MFSD6: variants seen among roughly 807,000 people sequenced by gnomAD.
MFSD6 encodes major facilitator superfamily domain-containing protein 6.
Under a neutral mutation model 56.3 loss-of-function variants are expected in MFSD6, and 26 were observed. That is an observed-to-expected ratio of 0.46 (90% CI 0.34 to 0.64). MFSD6 has a LOEUF of 0.64. MFSD6 is among the 30% of genes least tolerant of loss of function. MFSD6 has a pLI of 0.01. For missense variants in MFSD6, 750 were observed against 986.2 expected (o/e 0.76, Z 3.21); for synonymous variants, 331 against 366.9 (o/e 0.90, Z 1.12).
At position 190,496,818 on chromosome 2, in the gene MFSD6, C is replaced by A. The variant is rs1689719913; in HGVS notation, c.1892-621C>A. On this transcript the variant is annotated intron_variant, in intron 6 of 7. Coordinates refer to ENST00000392328, the MANE Select transcript of MFSD6 (RefSeq NM_017694.4). This position sits in a 1 kb window ranked among gnomAD's most constrained non-coding sequence, Gnocchi z 4.7. ...AGTGAAGCAACTCAAGAATGGAAAA[C>A]CAAACATCGTATATTCTCACTCATA... Among the ~76,000 whole-genome samples, 1 of 152,124 alleles carries A rather than the reference C, an allele frequency of 6.6e-6. No homozygotes were observed. The highest frequency in any genetic ancestry group is 6.5e-5 in the Admixed American group (1 of 15,276).
Position 190,498,188 on chromosome 2 carries a change from A to G in MFSD6, c.2172+469A>G, listed in dbSNP as rs1250750039. 6.6e-6 allele frequency among the ~76,000 whole-genome samples: 1 copy of G among 152,192 alleles called. No individual in the cohort carries two copies. The highest frequency in any genetic ancestry group is 1.9e-4 in the East Asian group (1 of 5,204). ...ATGCAGGTGGCCTCACCTGAAAAAT[A>G]AGTCTAAAAGTGTGATTTTTCTTGT... is the stretch of plus-strand genomic sequence containing the variant. On this transcript the variant is annotated intron_variant, in intron 7 of 7. Transcript: ENST00000392328. The surrounding 1 kb of genome is among the most constrained non-coding windows in gnomAD (Gnocchi z 5.9).
rs1184765113 is a variant in MFSD6, at chr2:190,436,059, G to A, written c.30G>A (p.Thr10=). The change falls in exon 3 of 8, where the codon ACG becomes ACA. Residue 10 remains threonine (T), a synonymous_variant. Coordinates refer to ENST00000392328, the MANE Select transcript of MFSD6 (RefSeq NM_017694.4). The surrounding 1 kb of genome is among the most constrained non-coding windows in gnomAD (Gnocchi z 5.3). ...CAGATGATAAAGTTGCTATCTTAAC[G>A]GATGATGAAGAGGAACAGAAGAGAA... MADDKVAIL[T]DDEEEQKRKY... The A allele has an allele frequency of 8.7e-6, 14 of 1,613,456 alleles. No individual in the cohort carries two copies. The highest frequency in any genetic ancestry group is 4.5e-5 in the East Asian group (2 of 44,878).
chr2:190,427,388 T>A (rs1685814554), intron 2 of MFSD6, among the ~76,000 whole-genome samples: 1 of 152,220 alleles, frequency 6.6e-6, no homozygotes, highest in Non-Finnish European at 1.5e-5. Context: ...TATGATCATT[T>A]TTTCTGTGGT....
rs916587858 is a variant in MFSD6 at position 190,461,897 on chromosome 2, A to G, written c.1533-7861A>G. Among the ~76,000 whole-genome samples, 2 of 152,140 alleles carry G rather than the reference A, an allele frequency of 1.3e-5. No individual in the cohort carries two copies. Among genetic ancestry groups the G allele is most frequent in the African/African-American group, 4.8e-5 (2 of 41,426 alleles). On this transcript the variant is annotated intron_variant, in intron 3 of 7. Coordinates refer to ENST00000392328, the MANE Select transcript of MFSD6 (RefSeq NM_017694.4). This position sits in a 1 kb window ranked among gnomAD's most constrained non-coding sequence, Gnocchi z 5.5. Reference sequence around the variant, plus strand: ...CTTAATATACTTTCAGAACAATCTGAGAGCAGAAGTCTTTTAATTTAAAAA... The same window carrying G: ...CTTAATATACTTTCAGAACAATCTGGGAGCAGAAGTCTTTTAATTTAAAAA...
At chr2:190,420,057 CAA>C (rs35739308) in intron 2 of MFSD6, among the ~76,000 whole-genome samples, 68,961 of 151,622 alleles carry the variant, frequency 0.45, 16,019 homozygotes, top group East Asian at 0.6. Flanking sequence ...TCTATATTTT[CAA>C]GTTTCTTTTT....
intron 3 of MFSD6, among the ~76,000 whole-genome samples, chr2:190,441,375 A>G (rs994193595): frequency 3.2e-4 from 49 of 151,560 alleles, no homozygotes; most frequent in African/African-American, 1.1e-3. Context: ...GAGGCATTCA[A>G]CGTTTTTACA....
At chr2:190,482,917 C>T (rs1239191303) in intron 4 of MFSD6, among the ~76,000 whole-genome samples, 6 of 88,600 alleles carry the variant, frequency 6.8e-5, no homozygotes, top group Non-Finnish European at 1.1e-4. Flanking sequence ...CGGAGTCTCA[C>T]TCTGTCGCCC....
intron 1 of MFSD6, chr2:190,411,483 G>A (rs1175015853): frequency 2.0e-6 from 2 of 985,268 alleles, no homozygotes; most frequent in African/African-American, 1.7e-5. Context: ...CAGGAAGTGA[G>A]ACAAGATGGA....
chr2:190,444,471 A>G (rs1375002807), intron 3 of MFSD6, among the ~76,000 whole-genome samples: 1 of 152,248 alleles, frequency 6.6e-6, no homozygotes, highest in African/African-American at 2.4e-5. Context: ...TGTAGCAGTG[A>G]AACAGGAGTT....
chr2:190,474,817 A>G (rs995430254), intron 4 of MFSD6, among the ~76,000 whole-genome samples: 2 of 152,228 alleles, frequency 1.3e-5, no homozygotes, highest in East Asian at 1.9e-4. Context: ...AAAATCCTCA[A>G]TAAAATACTG....
intron 3 of MFSD6, among the ~76,000 whole-genome samples, chr2:190,468,318 C>G (rs1296960677): frequency 6.6e-6 from 1 of 152,130 alleles, no homozygotes; most frequent in Non-Finnish European, 1.5e-5. Flanking sequence ...TCATCCACAC[C>G]CTTCAACTTT....
rs1685775509 is a variant in MFSD6 at position 190,426,020 on chromosome 2, G to C, written c.-53-9957G>C. Among the ~76,000 whole-genome samples, 1 of 152,108 alleles carries C rather than the reference G, an allele frequency of 6.6e-6. No individual in the cohort carries two copies. The highest frequency in any genetic ancestry group is 2.4e-5 in the African/African-American group (1 of 41,434). ...TAGTTTTTAGAAGTTTGACTGATGA[G>C]TTTTGGTGTGGGCATTTTGTTTTAG... On this transcript the variant is annotated intron_variant, in intron 2 of 7. Transcript: ENST00000392328. This position sits in a 1 kb window ranked among gnomAD's most constrained non-coding sequence, Gnocchi z 4.7.
At position 190,491,429 on chromosome 2, in the gene MFSD6, C is replaced by T. The variant is rs1689346778; in HGVS notation, c.1891+1563C>T. On this transcript the variant is annotated intron_variant, in intron 6 of 7. Transcript: ENST00000392328. The surrounding 1 kb of genome is among the most constrained non-coding windows in gnomAD (Gnocchi z 4.2). Reference sequence around the variant, plus strand: ...GCTCCTGGAGGACCTGAGAGACAGGCCAAATATTGGGCTGGTATCCAGCTG... The same window carrying T: ...GCTCCTGGAGGACCTGAGAGACAGGTCAAATATTGGGCTGGTATCCAGCTG... 6.6e-6 allele frequency among the ~76,000 whole-genome samples: 1 copy of T among 152,146 alleles called. No individual in the cohort carries two copies. The highest frequency in any genetic ancestry group is 6.5e-5 in the Admixed American group (1 of 15,274).
chr2:190,468,995 C>A (rs977335855), intron 3 of MFSD6, among the ~76,000 whole-genome samples: 1 of 152,086 alleles, frequency 6.6e-6, no homozygotes, highest in East Asian at 1.9e-4. Flanking sequence ...CAGTTCAGAA[C>A]GAGAGACTGA....
rs751509318 is a variant in MFSD6 at position 190,459,364 on chromosome 2, T to G, written c.1533-10394T>G. ...TCAAGTAAAACTCTTGAGGCCTTTT[T>G]AAAATTAACGGCTATGCCAAATGTC... On this transcript the variant is annotated intron_variant, in intron 3 of 7. Coordinates refer to ENST00000392328, the MANE Select transcript of MFSD6 (RefSeq NM_017694.4). The surrounding 1 kb of genome is among the most constrained non-coding windows in gnomAD (Gnocchi z 5.3). 6.6e-6 allele frequency among the ~76,000 whole-genome samples: 1 copy of G among 152,218 alleles called. No homozygotes were observed. The highest frequency in any genetic ancestry group is 1.5e-5 in the Non-Finnish European group (1 of 68,038).
In MFSD6 at chr2:190,469,313, A is replaced by T. The variant is rs147951900; in HGVS notation, c.1533-445A>T. 6.6e-6 allele frequency among the ~76,000 whole-genome samples: 1 copy of T among 152,268 alleles called. No individual in the cohort carries two copies. Among genetic ancestry groups the T allele is most frequent in the African/African-American group, 2.4e-5 (1 of 41,554 alleles). The stretch of plus-strand genomic sequence containing the variant: ...TGAGCAAGGCCACATTCGTGTTTAC[A>T]TATTCTCATTTTTATCCTTCCTTCC... On this transcript the variant is annotated intron_variant, in intron 3 of 7. Transcript: ENST00000392328. The surrounding 1 kb of genome is among the most constrained non-coding windows in gnomAD (Gnocchi z 5.3).
rs1419783229 is a variant in MFSD6, at chr2:190,490,055, T to C, written c.1891+189T>C. ...ATCCACCTACTATGCAGAAAAAATA[T>C]TGTTTTAAGTAGCTTGGGGTTTTCT... On this transcript the variant is annotated intron_variant, in intron 6 of 7. Coordinates refer to ENST00000392328, the MANE Select transcript of MFSD6 (RefSeq NM_017694.4). This position sits in a 1 kb window ranked among gnomAD's most constrained non-coding sequence, Gnocchi z 4.5. Among the ~76,000 whole-genome samples, 3 of 151,910 alleles carry C rather than the reference T, an allele frequency of 2.0e-5. No individual in the cohort carries two copies. The highest frequency in any genetic ancestry group is 7.2e-5 in the African/African-American group (3 of 41,426).
chr2:190,436,886 C>T lies in MFSD6; in HGVS notation c.857C>T (p.Ala286Val). 6.2e-7 allele frequency: 1 copy of T among 1,614,200 alleles called. No individual in the cohort carries two copies. The highest frequency in any genetic ancestry group is 8.5e-7 in the Non-Finnish European group (1 of 1,180,020). Residue 286 changes from alanine to valine, a missense_variant, in exon 3 of 8, where the codon GCT becomes GTT. Transcript: ENST00000392328. The surrounding 1 kb of genome is among the most constrained non-coding windows in gnomAD (Gnocchi z 5.3). The part of the protein sequence containing the change: ...MLVYDQQEVE[A>V]IFLVILVVVI... ...GTTTATGATCAACAAGAAGTTGAAG[C>T]TATATTCTTGGTGATCTTGGTAGTT... is the stretch of plus-strand genomic sequence containing the variant.
rs765140937 is a variant in MFSD6, at chr2:190,437,150, T to C, written c.1121T>C (p.Val374Ala). The C allele has an allele frequency of 4.3e-6, 7 of 1,614,118 alleles. No individual in the cohort carries two copies. The highest frequency in any genetic ancestry group is 5.1e-6 in the Non-Finnish European group (6 of 1,180,040). ...AGGAATTACCAGATCGTCTTCATCG[T>C]CTTCGGCGTTCTCATGACCATGGCC... The part of the protein sequence containing the change: ...EYRNYQIVFI[V>A]FGVLMTMALI... Residue 374 changes from valine (V) to alanine (A), a missense_variant, in exon 3 of 8, where the codon GTC becomes GCC. This residue lies in a region of MFSD6 where 376 missense variants were observed against 437.9 expected (regional missense o/e 0.86). Coordinates refer to ENST00000392328, the MANE Select transcript of MFSD6 (RefSeq NM_017694.4). The surrounding 1 kb of genome is among the most constrained non-coding windows in gnomAD (Gnocchi z 5.9).
Sources: gnomAD v4.1 joint callset for allele counts (sites outside exome capture counted in the v4.1 genomes callset) on GRCh38, gnomAD v4.1.1 for gene constraint, gnomAD v4.1.1 regional missense constraint, Gnocchi (gnomAD v3.1) non-coding constraint, MANE v1.5 for transcripts, NCBI Gene and HGNC (gene_info 2026-07-23, HGNC 2026-07-21) for gene names.